The following MYBPHL variants were observed in gnomAD, a reference collection of about 807,000 sequenced individuals.
The protein encoded by MYBPHL is myosin-binding protein H-like.
A neutral mutation model predicts 39.5 loss-of-function variants in MYBPHL; 32 were observed. The ratio of observed to expected loss-of-function variants is 0.81; its 90% confidence interval spans 0.61 to 1.09. The LOEUF is 1.09. MYBPHL is among the 50% of genes least tolerant of loss of function. The pLI, the probability that MYBPHL is intolerant of heterozygous loss-of-function variation, is 0.00. For missense variants in MYBPHL, 456 were observed against 460.2 expected (o/e 0.99, Z 0.08); for synonymous variants, 196 against 183.7 (o/e 1.07, Z -0.54).
At position 109,294,148 on chromosome 1, in the gene MYBPHL, C is replaced by T. The variant is rs1345589221; in HGVS notation, c.*33+58G>A. On this transcript the variant is annotated intron_variant, in intron 8 of 8. Transcript: ENST00000357155. ...GAATGCACCTCTGTCCCTGACTCAA[C>T]AACACTAGCCATAAACAGGAAGTAA... 14 of 1,181,140 alleles carry T rather than the reference C, an allele frequency of 1.2e-5. No homozygotes were observed. In the East Asian group the frequency reaches 1.4e-4, roughly 12 times the overall value. 73.2% of individuals were successfully genotyped at this position (1,181,140 alleles called of 1,614,324 possible). A position where few individuals can be genotyped will look rare whatever the true frequency, so the allele number is the denominator to read the frequency against.
chr1:109,302,054 TGTGA>T (rs1658306726), intron 1 of MYBPHL, among the ~76,000 whole-genome samples: 1 of 151,692 alleles, frequency 6.6e-6, no homozygotes, highest in African/African-American at 2.4e-5. Flanking sequence ...TGTATGTGTG[TGTGA>T]GTGTATGTGT....
chr1:109,303,157 CCTAA>C (rs749385844), intron 1 of MYBPHL, among the ~76,000 whole-genome samples: 7 of 152,146 alleles, frequency 4.6e-5, no homozygotes, highest in Non-Finnish European at 8.8e-5. Flanking sequence ...CACTAGTATA[CCTAA>C]CTAATATAAT....
In MYBPHL at chr1:109,301,407, G is replaced by A. The variant is rs1240643339; in HGVS notation, c.146-3150C>T. 2.0e-5 allele frequency among the ~76,000 whole-genome samples: 3 copies of A among 152,186 alleles called. No individual in the cohort carries two copies. The East Asian group carries it at 5.8e-4, about 29-fold the overall frequency. ...CTCTCTCTGTACAATGTTTCTCTCAGACAGGATGCTGTTTAATTCTTTCTA... is the reference window on the plus strand; with the variant it reads ...CTCTCTCTGTACAATGTTTCTCTCAAACAGGATGCTGTTTAATTCTTTCTA... On this transcript the variant is annotated intron_variant, in intron 1 of 8. Transcript: ENST00000357155.
In MYBPHL at chr1:109,300,493, G is replaced by A. The variant is rs142810969; in HGVS notation, c.146-2236C>T. On this transcript the variant is annotated intron_variant, in intron 1 of 8. Coordinates refer to ENST00000357155, the MANE Select transcript of MYBPHL (RefSeq NM_001010985.3). ...CTGACAGAAGTGCCCGCTGAGCCCC[G>A]CCCTGCTGAGACCTCAGGTAGGGAA... Among the ~76,000 whole-genome samples the A allele has an allele frequency of 4.6e-3, 696 of 152,352 alleles. 8 individuals carry two copies. The highest frequency in any genetic ancestry group is 0.016 in the African/African-American group (666 of 41,574).
At chr1:109,294,808 G>C (rs1657996488) in intron 7 of MYBPHL, among the ~76,000 whole-genome samples, 1 of 152,188 alleles carries the variant, frequency 6.6e-6, no homozygotes, top group Admixed American at 6.5e-5. Context: ...ACCAGTGCCA[G>C]GTGATCAACT....
intron 1 of MYBPHL, among the ~76,000 whole-genome samples, chr1:109,299,578 G>A (rs915192126): frequency 6.6e-5 from 10 of 152,204 alleles, no homozygotes; most frequent in African/African-American, 1.7e-4. Flanking sequence ...TCAAGGTCGC[G>A]AGACCTTTGC....
chr1:109,304,273 A>G (rs977349986), intron 1 of MYBPHL, among the ~76,000 whole-genome samples: 6 of 152,326 alleles, frequency 3.9e-5, no homozygotes, highest in Admixed American at 6.5e-5. Flanking sequence ...CACAACCTAA[A>G]TATTTGTGGA....
chr1:109,303,663 G>T (rs572994568), intron 1 of MYBPHL, among the ~76,000 whole-genome samples: 48 of 152,190 alleles, frequency 3.2e-4, no homozygotes, highest in African/African-American at 1.1e-3. Context: ...TGTCGATCTT[G>T]CTAGTGTCTA....
chr1:109,293,851 G>T (rs548587473), intron 8 of MYBPHL, among the ~76,000 whole-genome samples: 1 of 152,222 alleles, frequency 6.6e-6, no homozygotes, highest in East Asian at 1.9e-4. Flanking sequence ...ATCACTTGAG[G>T]TCAGGAGTTC....
At chr1:109,295,059 G>C in intron 7 of MYBPHL, 52 bp downstream of exon 7, 5 of 1,584,828 alleles carry the variant, frequency 3.2e-6, no homozygotes, top group Non-Finnish European at 4.3e-6. Flanking sequence ...TCCACCGGTG[G>C]AGAGAGGAGG....
chr1:109,298,380 G>A lies in MYBPHL; in HGVS notation c.146-123C>T, dbSNP rs566511054. Reference sequence around the variant, plus strand: ...CACCAAATTAAGCCCTTCTTAGAGGGGAGGGGAAGAGTGCTCCCATCATCC... The same window carrying A: ...CACCAAATTAAGCCCTTCTTAGAGGAGAGGGGAAGAGTGCTCCCATCATCC... On this transcript the variant is annotated intron_variant, in intron 1 of 8. Coordinates refer to ENST00000357155, the MANE Select transcript of MYBPHL (RefSeq NM_001010985.3). 24 of 803,098 alleles carry A rather than the reference G, an allele frequency of 3.0e-5. No homozygotes were observed. In the East Asian group the frequency reaches 5.8e-4, roughly 19 times the overall value. 49.7% of individuals were successfully genotyped at this position (803,098 alleles called of 1,614,324 possible). A position where few individuals can be genotyped will look rare whatever the true frequency, so the allele number is the denominator to read the frequency against.
At chr1:109,304,022 C>T (rs1658378331) in intron 1 of MYBPHL, among the ~76,000 whole-genome samples, 1 of 152,226 alleles carries the variant, frequency 6.6e-6, no homozygotes, top group African/African-American at 2.4e-5. Context: ...GAGACCCTCA[C>T]TGAATATTCC....
chr1:109,293,515 G>A (rs183246827), intron 8 of MYBPHL, among the ~76,000 whole-genome samples: 18 of 152,192 alleles, frequency 1.2e-4, no homozygotes, highest in African/African-American at 3.9e-4. Context: ...AGGCCAAGGC[G>A]GGTGGATCAT....
intron 4 of MYBPHL, 34 bp from the exon 5 acceptor site, chr1:109,296,976 AC>A (rs1163684443): frequency 2.5e-6 from 4 of 1,613,488 alleles, no homozygotes; most frequent in Non-Finnish European, 3.4e-6. Flanking sequence ...GAAATCAGCC[AC>A]CCCATGTGGA....
At chr1:109,298,574 T>C (rs1416767058) in intron 1 of MYBPHL, among the ~76,000 whole-genome samples, 1 of 150,622 alleles carries the variant, frequency 6.6e-6, no homozygotes, top group East Asian at 1.9e-4. Context: ...GGCATTTTTA[T>C]TTTTCTGTTT....
chr1:109,299,485 C>G (rs1349419124), intron 1 of MYBPHL, among the ~76,000 whole-genome samples: 1 of 152,228 alleles, frequency 6.6e-6, no homozygotes, highest in East Asian at 1.9e-4. Context: ...GCAACTGAAA[C>G]AGAGCTTCTT....
intron 1 of MYBPHL, among the ~76,000 whole-genome samples, chr1:109,305,861 C>T (rs1447816081): frequency 6.6e-6 from 1 of 152,224 alleles, no homozygotes; most frequent in East Asian, 1.9e-4. Context: ...TTATTTACAT[C>T]TTAGTTTGGC....
rs1351532259 is a variant in MYBPHL, at chr1:109,295,141, C to T, written c.1024G>A (p.Ala342Thr). 5.6e-6 allele frequency: 9 copies of T among 1,613,618 alleles called. No homozygotes were observed. The highest frequency in any genetic ancestry group is 6.8e-6 in the Non-Finnish European group (8 of 1,179,966). The change falls in exon 7 of 9, where the codon GCA (alanine) becomes ACA (threonine). Residue 342 changes from alanine to threonine, a missense_variant. By Grantham distance (58) the Ala-to-Thr change is moderately conservative. Coordinates refer to ENST00000357155, the MANE Select transcript of MYBPHL (RefSeq NM_001010985.3). ...ACATCCACCCGACAGTCCACAGATG[C>T]CTCCCCTAGGGGGTTCACCGCCTTG... ...TCKAVNPLGEASVDCRVDVKV... is the reference protein window; with the variant it reads ...TCKAVNPLGETSVDCRVDVKV...
intron 8 of MYBPHL, chr1:109,293,140 CG>C: frequency 6.6e-6 from 1 of 152,210 alleles, no homozygotes; most frequent in South Asian, 2.1e-4. Flanking sequence ...GATCCTGAGG[CG>C]TTTACTCAGT....
Sources: gnomAD v4.1 joint callset for allele counts (sites outside exome capture counted in the v4.1 genomes callset) on GRCh38, gnomAD v4.1.1 for gene constraint, MANE v1.5 for transcripts, NCBI Gene and HGNC (gene_info 2026-07-23, HGNC 2026-07-21) for gene names.